The following SVIL variants were observed in gnomAD, a reference collection of about 807,000 sequenced individuals.
SVIL encodes supervillin.
SVIL carries 101 observed loss-of-function variants against 240.4 expected under a neutral mutation model. The observed-to-expected ratio is 0.42, with a 90% CI of 0.36 to 0.50. The LOEUF is 0.50. Among genes scored for constraint, SVIL ranks in the 20% least tolerant of loss-of-function variants. The pLI is 0.01. For missense variants in SVIL, 2,512 were observed against 2,818.7 expected, an observed-to-expected ratio of 0.89 and a Z score of 2.46; for synonymous variants, 999 against 1,100.0, an observed-to-expected ratio of 0.91 and a Z score of 1.82.
intron 11 of SVIL, 69 bp downstream of exon 11, chr10:29,530,538 G>A: frequency 1.3e-6 from 2 of 1,558,510 alleles, no homozygotes; most frequent in South Asian, 2.2e-5. Context: ...CTCCTGCCTT[G>A]GCCTCTCAAA....
intron 1 of SVIL, among the ~76,000 whole-genome samples, chr10:29,572,932 C>T (rs997359324): frequency 3.9e-5 from 6 of 152,066 alleles, no homozygotes; most frequent in African/African-American, 1.4e-4. Flanking sequence ...ATTACTCTTC[C>T]TGTAGAATAC....
intron 2 of SVIL, among the ~76,000 whole-genome samples, chr10:29,662,630 A>G (rs1458788254): frequency 1.3e-5 from 2 of 152,164 alleles, no homozygotes; most frequent in African/African-American, 2.4e-5. Flanking sequence ...TCTGACAGCA[A>G]TAATTCCAGA....
intron 1 of SVIL, among the ~76,000 whole-genome samples, chr10:29,689,149 C>A (rs1961306672): frequency 1.3e-5 from 2 of 152,182 alleles, no homozygotes; most frequent in African/African-American, 4.8e-5. Flanking sequence ...GTAGAAGGGA[C>A]CTTAGCTCAA....
At chr10:29,607,354 A>G (rs1225413918) in intron 1 of SVIL, among the ~76,000 whole-genome samples, 2 of 152,176 alleles carry the variant, frequency 1.3e-5, no homozygotes, top group Admixed American at 6.5e-5. Flanking sequence ...TTATTTGTCC[A>G]TGTGAACTTC....
At chr10:29,593,681 T>C (rs1956474831) in intron 1 of SVIL, among the ~76,000 whole-genome samples, 1 of 152,210 alleles carries the variant, frequency 6.6e-6, no homozygotes, top group Non-Finnish European at 1.5e-5. Flanking sequence ...CAATGTAATA[T>C]TTTGGACAAT....
At chr10:29,593,854 C>A (rs1486373714) in intron 1 of SVIL, among the ~76,000 whole-genome samples, 1 of 152,142 alleles carries the variant, frequency 6.6e-6, no homozygotes, top group African/African-American at 2.4e-5. Flanking sequence ...TTAATTTATA[C>A]CCAGTTCTAA....
chr10:29,530,699 A>G, intron 10 of SVIL, 31 bp from the exon 11 acceptor site: 1 of 1,613,630 alleles, frequency 6.2e-7, no homozygotes, highest in Non-Finnish European at 8.5e-7. Context: ...AAAACTGGAC[A>G]TCATTAGAGA....
chr10:29,571,357 T>C (rs1955407933), intron 1 of SVIL, among the ~76,000 whole-genome samples: 1 of 152,206 alleles, frequency 6.6e-6, no homozygotes, highest in African/African-American at 2.4e-5. Context: ...AAGGAGACAG[T>C]GCTGCAACCT....
rs143066226 is a variant in SVIL at position 29,644,411 on chromosome 10, G to A, written c.-201+13558C>T. On this transcript the variant is annotated intron_variant, in intron 3 of 35. Transcript: ENST00000375400. The stretch of plus-strand genomic sequence containing the variant: ...GCATGTTCTCCCAGCCCCAAGGACC[G>A]AGAAACCCCACATCCCCTGGGCCAA... Among the ~76,000 whole-genome samples the A allele has an allele frequency of 3.3e-5, 5 of 152,192 alleles. No individual in the cohort carries two copies. In the East Asian group the frequency reaches 9.7e-4, roughly 29 times the overall value.
chr10:29,531,356 T>A, intron 9 of SVIL, 68 bp from the exon 10 acceptor site: 1 of 1,388,200 alleles, frequency 7.2e-7, no homozygotes, highest in South Asian at 1.2e-5. Context: ...AAATAAAACA[T>A]CATACTGAAA....
At chr10:29,653,124 C>T (rs1432838722) in intron 3 of SVIL, among the ~76,000 whole-genome samples, 1 of 152,024 alleles carries the variant, frequency 6.6e-6, no homozygotes, top group African/African-American at 2.4e-5. Flanking sequence ...GTCCCTGTGC[C>T]CAGCCTGATA....
chr10:29,587,172 G>T (rs565778090), intron 1 of SVIL, among the ~76,000 whole-genome samples: 17 of 152,306 alleles, frequency 1.1e-4, no homozygotes, highest in African/African-American at 4.1e-4. Flanking sequence ...ACCTCCCCCT[G>T]CAAACCTCCT....
At chr10:29,673,580 GGA>G (rs67240015) in intron 2 of SVIL, among the ~76,000 whole-genome samples, 5,233 of 142,498 alleles carry the variant, frequency 0.037, 268 homozygotes, top group African/African-American at 0.13. Context: ...GCATTAGGGG[GGA>G]GAGAGAGAGA....
chr10:29,515,333 AT>A (rs1950136942), intron 16 of SVIL, among the ~76,000 whole-genome samples: 1 of 152,230 alleles, frequency 6.6e-6, no homozygotes, highest in Non-Finnish European at 1.5e-5. Context: ...TTCATACTAT[AT>A]AATGACTATG....
At chr10:29,542,971 A>T (rs765878990) in intron 6 of SVIL, among the ~76,000 whole-genome samples, 7 of 152,192 alleles carry the variant, frequency 4.6e-5, no homozygotes, top group Non-Finnish European at 7.3e-5. Context: ...GCCAAGCTCC[A>T]GCTCTGTCTC....
intron 6 of SVIL, among the ~76,000 whole-genome samples, chr10:29,538,790 C>G (rs61846596): frequency 0.12 from 18,010 of 152,224 alleles, 1,215 homozygotes; most frequent in Non-Finnish European, 0.15. Context: ...ATATTTTCAA[C>G]TTATGATGGA....
At chr10:29,641,415 C>T (rs1292046559) in intron 3 of SVIL, among the ~76,000 whole-genome samples, 1 of 151,784 alleles carries the variant, frequency 6.6e-6, no homozygotes, top group African/African-American at 2.4e-5. Flanking sequence ...ACTGAAAATA[C>T]AAAAATTAGC....
intron 1 of SVIL, among the ~76,000 whole-genome samples, chr10:29,599,222 C>T (rs1352332380): frequency 6.6e-6 from 1 of 152,168 alleles, no homozygotes; most frequent in Non-Finnish European, 1.5e-5. Flanking sequence ...GAGATGAGAG[C>T]GAGGAACCTC....
At chr10:29,483,453 A>G (rs564875048) in intron 27 of SVIL, 2 of 152,318 alleles carry the variant, frequency 1.3e-5, no homozygotes, top group East Asian at 3.9e-4. Flanking sequence ...TCTAACTCAC[A>G]TGAAACGAAA....
Sources: gnomAD v4.1 joint callset for allele counts (sites outside exome capture counted in the v4.1 genomes callset) on GRCh38, gnomAD v4.1.1 for gene constraint, MANE v1.5 for transcripts, NCBI Gene and HGNC (gene_info 2026-07-23, HGNC 2026-07-21) for gene names.